ZNF462: variants seen among roughly 807,000 people sequenced by gnomAD.
ZNF462 encodes the protein zinc finger PBX1-interacting protein.
In ZNF462, 10 loss-of-function variants were observed where a neutral mutation model predicts 201.9. The ratio of observed to expected loss-of-function variants is 0.05; its 90% CI spans 0.03 to 0.08. The LOEUF (loss-of-function observed/expected upper bound fraction) is 0.08, where lower values mean the gene tolerates loss of function less well. Ranked by LOEUF, ZNF462 falls within the 10% of genes least tolerant of loss-of-function variation. ZNF462 has a pLI of 1.00. For synonymous variants in ZNF462, 1,227 were observed against 1,193.3 expected (o/e 1.03, Z -0.58); for missense variants, 2,523 against 3,168.3 (o/e 0.80, Z 4.89).
intron 1 of ZNF462, among the ~76,000 whole-genome samples, chr9:106,899,470 A>G (rs1828964988): frequency 6.6e-6 from 1 of 152,164 alleles, no homozygotes; most frequent in African/African-American, 2.4e-5. Flanking sequence ...TGGCACGAGG[A>G]TAAGAGAGAA....
At position 106,929,756 on chromosome 9, in the gene ZNF462, G is replaced by C. The variant is rs1209219778; in HGVS notation, c.5844G>C (p.Glu1948Asp). Residue 1948 changes from glutamate (E) to aspartate (D), a missense_variant, in exon 3 of 13, where the codon GAG becomes GAC. Physicochemically the swap from Glu to Asp is conservative, Grantham distance 45 (BLOSUM62 2). Coordinates refer to ENST00000277225, the MANE Select transcript of ZNF462 (RefSeq NM_021224.6). The surrounding 1 kb of genome is among the most constrained non-coding windows in gnomAD (Gnocchi z 8.7). Reference sequence around the variant, plus strand: ...GTGCTTTTGCAGATTTCAAACAAGAGAGGGTAAGGATATGTTTTGATTTCC... The same window carrying C: ...GTGCTTTTGCAGATTTCAAACAAGACAGGGTAAGGATATGTTTTGATTTCC... ...ADGAFADFKQ[E>D]RPFGHLEEVP... The C allele has an allele frequency of 1.9e-6, 3 of 1,609,550 alleles. No homozygotes were observed. Among genetic ancestry groups the C allele is most frequent in the African/African-American group, 2.7e-5 (2 of 74,852 alleles).
chr9:106,883,140 A>G lies in ZNF462; in HGVS notation c.-31+19785A>G, dbSNP rs548451646. Among the ~76,000 whole-genome samples, 16 of 152,318 alleles carry G rather than the reference A, an allele frequency of 1.1e-4. No homozygotes were observed. The highest frequency in any genetic ancestry group is 3.8e-4 in the African/African-American group (16 of 41,562). ...TGACCTTGCAGTATTAAAGAAACCC[A>G]TGGGTCCTGTTAGTCCCAACCTCAC... On this transcript the variant is annotated intron_variant, in intron 1 of 12. Coordinates refer to ENST00000277225, the MANE Select transcript of ZNF462 (RefSeq NM_021224.6). The surrounding 1 kb of genome is among the most constrained non-coding windows in gnomAD (Gnocchi z 4.9).
chr9:107,006,083 A>C lies in ZNF462; in HGVS notation c.7189+2657A>C, dbSNP rs990672311. Among the ~76,000 whole-genome samples the C allele has an allele frequency of 2.6e-5, 4 of 152,100 alleles. No individual in the cohort carries two copies. The highest frequency in any genetic ancestry group is 5.9e-5 in the Non-Finnish European group (4 of 68,026). On this transcript the variant is annotated intron_variant, in intron 11 of 12. Transcript: ENST00000277225. This position sits in a 1 kb window ranked among gnomAD's most constrained non-coding sequence, Gnocchi z 4.3. Reference sequence around the variant, plus strand: ...CCAGTACCATGCTGTTTTGATTACTATAGTTTTGTAGTCAACTTTGAAGTC... The same window carrying C: ...CCAGTACCATGCTGTTTTGATTACTCTAGTTTTGTAGTCAACTTTGAAGTC...
Position 106,920,018 on chromosome 9 carries a change from A to G in ZNF462, c.-30-3336A>G, listed in dbSNP as rs1305969805. ...ATCATAGTATTATTAAATGAAGTCAATAGATATGAGATCAAAGCTTTTAAC... is the reference window on the plus strand; with the variant it reads ...ATCATAGTATTATTAAATGAAGTCAGTAGATATGAGATCAAAGCTTTTAAC... On this transcript the variant is annotated intron_variant, in intron 1 of 12. Coordinates refer to ENST00000277225, the MANE Select transcript of ZNF462 (RefSeq NM_021224.6). The surrounding 1 kb of genome is among the most constrained non-coding windows in gnomAD (Gnocchi z 4.3). 2.6e-5 allele frequency among the ~76,000 whole-genome samples: 4 copies of G among 152,262 alleles called. No individual in the cohort carries two copies. Among genetic ancestry groups the G allele is most frequent in the Non-Finnish European group, 5.9e-5 (4 of 68,050 alleles).
chr9:106,887,282 C>T (rs1036301513), intron 1 of ZNF462, among the ~76,000 whole-genome samples: 5 of 152,332 alleles, frequency 3.3e-5, no homozygotes, highest in Admixed American at 1.3e-4. Context: ...TTCACCACCA[C>T]CTTCTAACAT....
At chr9:106,947,266 G>T (rs1385910964) in intron 7 of ZNF462, among the ~76,000 whole-genome samples, 1 of 152,176 alleles carries the variant, frequency 6.6e-6, no homozygotes, top group Non-Finnish European at 1.5e-5. Context: ...CACACTGCTT[G>T]TGGAGAAGTC....
Position 107,012,059 on chromosome 9 carries a change from G to A in ZNF462, c.*1029G>A, listed in dbSNP as rs1346686292. The stretch of plus-strand genomic sequence containing the variant: ...AGGGAGATTTAGTTTTTTGTGAATA[G>A]GAATGTTTTTATTTTAAACATGGAA... On this transcript the variant is annotated 3_prime_UTR_variant, in exon 13 of 13. Coordinates refer to ENST00000277225, the MANE Select transcript of ZNF462 (RefSeq NM_021224.6). 4.0e-5 allele frequency: 6 copies of A among 150,172 alleles called. No homozygotes were observed. Among genetic ancestry groups the A allele is most frequent in the African/African-American group, 7.3e-5 (3 of 40,892 alleles). 9.3% of individuals were successfully genotyped at this position (150,172 alleles called of 1,614,324 possible).
At chr9:106,921,935 A>T (rs1830009518) in intron 1 of ZNF462, among the ~76,000 whole-genome samples, 1 of 152,214 alleles carries the variant, frequency 6.6e-6, no homozygotes, top group African/African-American at 2.4e-5. Context: ...TTGCTGGGTG[A>T]AAGAAGAGGA....
In ZNF462 at chr9:106,929,853, T is replaced by G; in HGVS notation, c.5847+94T>G. 8.5e-7 allele frequency: 1 copy of G among 1,176,252 alleles called. No individual in the cohort carries two copies. Among genetic ancestry groups the G allele is most frequent in the Non-Finnish European group, 1.2e-6 (1 of 832,016 alleles). 72.9% of individuals were successfully genotyped at this position (1,176,252 alleles called of 1,614,324 possible). A position where few individuals can be genotyped will look rare whatever the true frequency, so the allele number is the denominator to read the frequency against. On this transcript the variant is annotated intron_variant, in intron 3 of 12. Transcript: ENST00000277225. This position sits in a 1 kb window ranked among gnomAD's most constrained non-coding sequence, Gnocchi z 8.7. ...CGTTGCCAGCCAAACTGCTGCAGGC[T>G]TCCTAGTGACTTAGCTTGCCAGAGA...
At chr9:106,982,093 G>A (rs1043440430) in intron 9 of ZNF462, among the ~76,000 whole-genome samples, 8 of 150,460 alleles carry the variant, frequency 5.3e-5, no homozygotes, top group Admixed American at 2.6e-4. Flanking sequence ...GCAGTTCCCC[G>A]TGGTTCAGCC....
rs1830220430 is a variant in ZNF462, at chr9:106,926,986, A to G, written c.3074A>G (p.Asn1025Ser). The G allele has an allele frequency of 1.2e-6, 2 of 1,614,102 alleles. No individual in the cohort carries two copies. Among genetic ancestry groups the G allele is most frequent in the Admixed American group, 3.3e-5 (2 of 60,012 alleles). Residue 1025 changes from asparagine to serine, a missense_variant, in exon 3 of 13, where the codon AAC (asparagine) becomes AGC (serine). Physicochemically the swap from Asn to Ser is conservative, Grantham distance 46. This residue lies in a region of ZNF462 where 280 missense variants were observed against 321.3 expected (regional missense o/e 0.87). Coordinates refer to ENST00000277225, the MANE Select transcript of ZNF462 (RefSeq NM_021224.6). This position sits in a 1 kb window ranked among gnomAD's most constrained non-coding sequence, Gnocchi z 7.9. ...GAAAATCAGAAGGACCCTTTGGTCA[A>G]CACTGTTGTTGTTTATGATTGTGAT... ...ECENQKDPLV[N>S]TVVVYDCDVC...
chr9:106,957,658 T>G (rs952648084), intron 7 of ZNF462, among the ~76,000 whole-genome samples: 18 of 152,178 alleles, frequency 1.2e-4, no homozygotes, highest in Admixed American at 1.2e-3. Flanking sequence ...TGCATCACTT[T>G]GCAAAATAAT....
At chr9:107,004,077 A>G (rs993916717) in intron 11 of ZNF462, among the ~76,000 whole-genome samples, 11 of 152,208 alleles carry the variant, frequency 7.2e-5, no homozygotes, top group African/African-American at 2.4e-4. Flanking sequence ...AAGTTTTCAA[A>G]AGTATATTTA....
intron 10 of ZNF462, among the ~76,000 whole-genome samples, chr9:106,985,752 C>A (rs1219569210): frequency 6.6e-6 from 1 of 152,134 alleles, no homozygotes; most frequent in Non-Finnish European, 1.5e-5. Flanking sequence ...TAGTCTGAAT[C>A]ATCTGCACCC....
intron 1 of ZNF462, among the ~76,000 whole-genome samples, chr9:106,868,741 T>G (rs1827456486): frequency 6.6e-6 from 1 of 152,148 alleles, no homozygotes. Flanking sequence ...AGAACTCAGG[T>G]CGGCCGACTC....
chr9:107,000,867 A>G (rs770083986), intron 10 of ZNF462, among the ~76,000 whole-genome samples: 1 of 152,188 alleles, frequency 6.6e-6, no homozygotes, highest in Non-Finnish European at 1.5e-5. Flanking sequence ...TTCTGTCACC[A>G]AGAGCTCCAA....
intron 7 of ZNF462, among the ~76,000 whole-genome samples, chr9:106,946,820 AAAAT>A (rs1831128823): frequency 6.6e-6 from 1 of 152,004 alleles, no homozygotes; most frequent in Non-Finnish European, 1.5e-5. Context: ...ATATAAAAAT[AAAAT>A]AAAATAAAAG....
rs768146565 is a variant in ZNF462 at position 106,886,981 on chromosome 9, C to G, written c.-31+23626C>G. On this transcript the variant is annotated intron_variant, in intron 1 of 12. Coordinates refer to ENST00000277225, the MANE Select transcript of ZNF462 (RefSeq NM_021224.6). This position sits in a 1 kb window ranked among gnomAD's most constrained non-coding sequence, Gnocchi z 4.6. ...CTTGCTGTCCCTTACAATTATGTGA[C>G]TTAAAATTACAGCCTTACTCTTTAC... 2.0e-5 allele frequency among the ~76,000 whole-genome samples: 3 copies of G among 152,104 alleles called. No homozygotes were observed. Among genetic ancestry groups the G allele is most frequent in the Non-Finnish European group, 4.4e-5 (3 of 68,018 alleles).
chr9:106,952,334 C>G (rs1831389882), intron 7 of ZNF462, among the ~76,000 whole-genome samples: 1 of 152,104 alleles, frequency 6.6e-6, no homozygotes, highest in Non-Finnish European at 1.5e-5. Flanking sequence ...CTTTCATATT[C>G]TAAATTACTG....
Sources: gnomAD v4.1 joint callset for allele counts (sites outside exome capture counted in the v4.1 genomes callset) on GRCh38, gnomAD v4.1.1 for gene constraint, gnomAD v4.1.1 regional missense constraint, Gnocchi (gnomAD v3.1) non-coding constraint, MANE v1.5 for transcripts, NCBI Gene and HGNC (gene_info 2026-07-23, HGNC 2026-07-21) for gene names.